ADAMTS17: variants seen among roughly 807,000 people sequenced by gnomAD.
ADAMTS17 encodes A disintegrin and metalloproteinase with thrombospondin motifs 17.
A neutral mutation model predicts 141.5 loss-of-function variants in ADAMTS17; 113 were observed. The observed-to-expected ratio is 0.80, with a 90% CI of 0.69 to 0.93. ADAMTS17 has a LOEUF of 0.93. Ranked by LOEUF, ADAMTS17 falls within the 40% of genes least tolerant of loss-of-function variation. ADAMTS17 has a pLI of 0.00. For synonymous variants in ADAMTS17, 768 were observed against 630.6 expected (o/e 1.22, Z -3.27); for missense variants, 1,659 against 1,517.9 (o/e 1.09, Z -1.54).
At chr15:100,167,117 A>C (rs1019060801) in intron 8 of ADAMTS17, among the ~76,000 whole-genome samples, 6 of 152,250 alleles carry the variant, frequency 3.9e-5, no homozygotes, top group Admixed American at 3.3e-4. Context: ...GAGAAATTTA[A>C]ATAGGCACAA....
At chr15:100,139,469 G>C (rs555895711) in intron 10 of ADAMTS17, among the ~76,000 whole-genome samples, 1 of 152,356 alleles carries the variant, frequency 6.6e-6, no homozygotes, top group African/African-American at 2.4e-5. Flanking sequence ...CAAGGATACT[G>C]CTAAAGATCT....
At chr15:100,261,672 G>T (rs760073982) in intron 5 of ADAMTS17, 36 bp from the exon 6 acceptor site, 3 of 1,599,244 alleles carry the variant, frequency 1.9e-6, no homozygotes, top group South Asian at 1.1e-5. Flanking sequence ...AGAAACAAAC[G>T]CCTGGGAGGC....
In ADAMTS17 at chr15:100,224,108, C is replaced by T. The variant is rs149685917; in HGVS notation, c.1076-24685G>A. 7.7e-3 allele frequency among the ~76,000 whole-genome samples: 1,166 copies of T among 152,186 alleles called. 4 individuals carry two copies. Among genetic ancestry groups the T allele is most frequent in the Middle Eastern group, 0.024 (7 of 294 alleles). On this transcript the variant is annotated intron_variant, in intron 7 of 21. Transcript: ENST00000268070. ...AAGGGTGGATCTGCCTTCCCCAGCC[C>T]CCTGACCCAAATGTTAATCTCTTTT...
intron 20 of ADAMTS17, among the ~76,000 whole-genome samples, chr15:99,986,178 C>T (rs759971166): frequency 6.6e-6 from 1 of 152,244 alleles, no homozygotes; most frequent in Non-Finnish European, 1.5e-5. Context: ...TCAGGCCCCA[C>T]CAAAGCAAGT....
At chr15:100,135,058 A>G (rs968733336) in intron 10 of ADAMTS17, among the ~76,000 whole-genome samples, 2 of 152,176 alleles carry the variant, frequency 1.3e-5, no homozygotes, top group Non-Finnish European at 2.9e-5. Context: ...AATTTATGGG[A>G]CAGGAGCGGT....
At chr15:100,341,018 C>A in intron 2 of ADAMTS17, 21 bp downstream of exon 2, 1 of 1,524,464 alleles carries the variant, frequency 6.6e-7, no homozygotes. Flanking sequence ...CGGGCCGACC[C>A]GGAGGTGGCG....
At chr15:100,057,729 T>A (rs966736741) in intron 15 of ADAMTS17, among the ~76,000 whole-genome samples, 1 of 152,112 alleles carries the variant, frequency 6.6e-6, no homozygotes, top group African/African-American at 2.4e-5. Flanking sequence ...TTGTTCACCT[T>A]AGGAAAAGGC....
intron 13 of ADAMTS17, among the ~76,000 whole-genome samples, chr15:100,112,966 G>C (rs2036882927): frequency 6.6e-6 from 1 of 152,186 alleles, no homozygotes; most frequent in Non-Finnish European, 1.5e-5. Context: ...CCAGCAGTTA[G>C]AAGGTCTTAG....
intron 8 of ADAMTS17, among the ~76,000 whole-genome samples, chr15:100,183,170 G>A (rs1344741016): frequency 6.6e-6 from 1 of 152,078 alleles, no homozygotes. Context: ...TGTATTTTTA[G>A]TAAAGACGGG....
intron 14 of ADAMTS17, among the ~76,000 whole-genome samples, chr15:100,098,364 G>A (rs1023701775): frequency 2.0e-5 from 3 of 152,082 alleles, no homozygotes; most frequent in African/African-American, 7.2e-5. Flanking sequence ...GATTACAGGG[G>A]CTGGCCCGGT....
chr15:100,276,708 T>C (rs1322757838), intron 4 of ADAMTS17, among the ~76,000 whole-genome samples: 1 of 152,078 alleles, frequency 6.6e-6, no homozygotes, highest in Non-Finnish European at 1.5e-5. Context: ...GGGAAACAGA[T>C]GGGCTCGCTG....
intron 18 of ADAMTS17, among the ~76,000 whole-genome samples, chr15:100,047,966 CCTT>C (rs1194780807): frequency 3.9e-5 from 6 of 152,312 alleles, no homozygotes; most frequent in African/African-American, 1.2e-4. Flanking sequence ...GCAAGCCTCA[CCTT>C]CTTTTTTTCC....
At chr15:100,108,065 C>T (rs1326454491) in intron 14 of ADAMTS17, among the ~76,000 whole-genome samples, 15 of 152,168 alleles carry the variant, frequency 9.9e-5, no homozygotes, top group Admixed American at 6.5e-5. Context: ...ACCTCTGCTA[C>T]CCCAGGCTAG....
intron 10 of ADAMTS17, among the ~76,000 whole-genome samples, chr15:100,148,010 T>C (rs1043707994): frequency 6.6e-6 from 1 of 152,214 alleles, no homozygotes; most frequent in African/African-American, 2.4e-5. Context: ...CTTGCATCAC[T>C]CCGACTTCAT....
intron 20 of ADAMTS17, among the ~76,000 whole-genome samples, chr15:99,982,968 G>C (rs2060510813): frequency 6.6e-6 from 1 of 152,226 alleles, no homozygotes; most frequent in South Asian, 2.1e-4. Flanking sequence ...AGGGCAAAAA[G>C]AGGTTCAATT....
At chr15:100,261,911 A>G (rs150387909) in intron 5 of ADAMTS17, among the ~76,000 whole-genome samples, 1 of 152,254 alleles carries the variant, frequency 6.6e-6, no homozygotes, top group African/African-American at 2.4e-5. Context: ...AAACCAAGCG[A>G]TGCTCCCTCA....
At chr15:100,295,987 C>CA (rs996134351) in intron 3 of ADAMTS17, among the ~76,000 whole-genome samples, 31 of 152,210 alleles carry the variant, frequency 2.0e-4, no homozygotes, top group African/African-American at 7.5e-4. Context: ...CACCATTTAA[C>CA]AAAAACCAGT....
At chr15:100,098,017 C>A (rs28460523) in intron 14 of ADAMTS17, among the ~76,000 whole-genome samples, 15 of 152,128 alleles carry the variant, frequency 9.9e-5, no homozygotes, top group Admixed American at 9.8e-4. Flanking sequence ...ATGATGAAAT[C>A]TGAAAAAGGG....
Position 100,047,919 on chromosome 15 carries a change from A to T in ADAMTS17, c.2591+938T>A, listed in dbSNP as rs184958051. Among the ~76,000 whole-genome samples, 5 of 152,322 alleles carry T rather than the reference A, an allele frequency of 3.3e-5. No individual in the cohort carries two copies. In the East Asian group the frequency reaches 9.7e-4, roughly 29 times the overall value. ...GCCTTCAGCATTAGGGTGGAATTTC[A>T]TTCTTAATTTGGCAAGGAGCACAGA... is the stretch of plus-strand genomic sequence containing the variant. On this transcript the variant is annotated intron_variant, in intron 18 of 21. Coordinates refer to ENST00000268070, the MANE Select transcript of ADAMTS17 (RefSeq NM_139057.4).
Sources: allele counts gnomAD v4.1 joint callset (sites outside exome capture counted in the v4.1 genomes callset), GRCh38; gene constraint gnomAD v4.1.1; transcripts MANE v1.5; gene names NCBI Gene and HGNC (gene_info 2026-07-23, HGNC 2026-07-21).